Variants in SPATA9 observed in about 807,000 individuals in gnomAD.
The protein encoded by SPATA9 is spermatogenesis associated 9.
SPATA9 carries 27 observed loss-of-function variants against 25.5 expected under a neutral mutation model. The observed-to-expected ratio is 1.06, with a 90% CI of 0.78 to 1.46. SPATA9 has a LOEUF of 1.46. Ranked by LOEUF, SPATA9 falls within the 40% of genes most tolerant of loss-of-function variation. The pLI is 0.00. For missense variants in SPATA9, 282 were observed against 297.5 expected, an observed-to-expected ratio of 0.95 and a Z score of 0.38; for synonymous variants, 102 against 105.7, an observed-to-expected ratio of 0.97 and a Z score of 0.21.
chr5:95,724,690 G>T, the SPATA9 span, among the ~76,000 whole-genome samples: 1 of 152,002 alleles, frequency 6.6e-6, no homozygotes, highest in Non-Finnish European at 1.5e-5. Context: ...GGTTTCGAAC[G>T]CCTGACCACA....
At chr5:95,724,721 C>T in the SPATA9 span, among the ~76,000 whole-genome samples, 1 of 152,150 alleles carries the variant, frequency 6.6e-6, no homozygotes, top group Non-Finnish European at 1.5e-5. Flanking sequence ...AAGTTTCTTG[C>T]CTCTTTTTTC....
At chr5:95,721,153 C>A in the SPATA9 span, among the ~76,000 whole-genome samples, 1 of 152,344 alleles carries the variant, frequency 6.6e-6, no homozygotes, top group South Asian at 2.1e-4. Flanking sequence ...TTGCACTGCA[C>A]TATTTACGTT....
chr5:95,690,628 T>C (rs1753857817), intron 1 of SPATA9, among the ~76,000 whole-genome samples: 1 of 152,170 alleles, frequency 6.6e-6, no homozygotes, highest in African/African-American at 2.4e-5. Flanking sequence ...ATCACTAATA[T>C]GGGACAAACA....
At chr5:95,682,713 C>T (rs1296670214) in intron 1 of SPATA9, 81 bp downstream of exon 1, 17 of 1,505,162 alleles carry the variant, frequency 1.1e-5, no homozygotes, top group Middle Eastern at 1.7e-4. Context: ...CTAGATGACT[C>T]GGAAAGTAAA....
chr5:95,673,349 G>A (rs549162634), intron 3 of SPATA9, among the ~76,000 whole-genome samples: 12 of 150,526 alleles, frequency 8.0e-5, no homozygotes, highest in African/African-American at 2.7e-4. Flanking sequence ...CCATGTGTTC[G>A]TGACCCAAGG....
chr5:95,692,458 T>C (rs916326287), intron 1 of SPATA9, among the ~76,000 whole-genome samples: 7 of 152,122 alleles, frequency 4.6e-5, no homozygotes, highest in East Asian at 3.8e-4. Flanking sequence ...ATTTCAAATA[T>C]GTTGCCACAG....
chr5:95,727,009 T>C, the SPATA9 span, among the ~76,000 whole-genome samples: 29 of 152,194 alleles, frequency 1.9e-4, no homozygotes, highest in Non-Finnish European at 3.7e-4. Context: ...TAGAAGTTTA[T>C]TCTGGAATTT....
At position 95,672,476 on chromosome 5, in the gene SPATA9, TAAAC is replaced by T. The variant is rs149802361; in HGVS notation, c.378+2932_378+2935del. ...AGAGGTTTTTTTTTTTTTTTTTAAA[TAAAC>T]AAAACTCTGAAGTTCTTTTCTTTTC... On this transcript the variant is annotated intron_variant, in intron 3 of 4. Coordinates refer to ENST00000274432, the MANE Select transcript of SPATA9 (RefSeq NM_031952.4). Among the ~76,000 whole-genome samples the T allele has an allele frequency of 1.3e-3, 194 of 150,038 alleles. 4 individuals are homozygous for T. In the East Asian group the frequency reaches 0.034, roughly 27 times the overall value.
At chr5:95,722,948 T>C in the SPATA9 span, among the ~76,000 whole-genome samples, 1 of 152,250 alleles carries the variant, frequency 6.6e-6, no homozygotes, top group East Asian at 1.9e-4. Context: ...ATATTTTAAC[T>C]GTAAAACCAA....
the SPATA9 span, among the ~76,000 whole-genome samples, chr5:95,713,180 G>A: frequency 3.3e-5 from 5 of 152,070 alleles, no homozygotes; most frequent in African/African-American, 1.2e-4. Flanking sequence ...TTTTAGACTG[G>A]TTTGTAACAG....
At chr5:95,656,124 C>T, downstream of SPATA9, 1 of 1,613,670 alleles carries the variant, frequency 6.2e-7, no homozygotes, top group Non-Finnish European at 8.5e-7. Flanking sequence ...AGGTCTGTAC[C>T]AGTCTATAAA....
At chr5:95,658,990 T>A in intron 4 of SPATA9, 77 bp from the exon 5 acceptor site, 1 of 1,499,958 alleles carries the variant, frequency 6.7e-7, no homozygotes, top group Non-Finnish European at 8.9e-7. Flanking sequence ...TACAATATAG[T>A]GTTCCACATA....
intron 4 of SPATA9, among the ~76,000 whole-genome samples, chr5:95,662,509 C>T (rs1217797547): frequency 1.3e-5 from 2 of 152,138 alleles, no homozygotes; most frequent in Non-Finnish European, 2.9e-5. Context: ...GCTTCAGCCT[C>T]CCCCGTCAGC....
rs33943918 is a variant in SPATA9, at chr5:95,675,819, C to CTTTT, written c.151-184_151-181dup. ...TGAATTCCCTGCCATGTACTTAAAC[C>CTTTT]TTTTTTTTTTTTTTTTTTTTTTATG... On this transcript the variant is annotated intron_variant, in intron 2 of 4. Transcript: ENST00000274432. Among the ~76,000 whole-genome samples the CTTTT allele has an allele frequency of 7.6e-4, 82 of 108,028 alleles. 1 individual carries two copies. The highest frequency in any genetic ancestry group is 2.4e-3 in the Admixed American group (23 of 9,402). 70.9% of individuals were successfully genotyped at this position (108,028 alleles called of 152,430 possible). A position where few individuals can be genotyped will look rare whatever the true frequency, so the allele number is the denominator to read the frequency against.
chr5:95,679,896 TTTTG>T (rs1187841362), intron 2 of SPATA9, among the ~76,000 whole-genome samples: 4 of 152,158 alleles, frequency 2.6e-5, no homozygotes, highest in Admixed American at 6.5e-5. Context: ...TCAGTTAACT[TTTTG>T]TTTGTTTGTT....
At chr5:95,682,736 G>T in intron 1 of SPATA9, 58 bp downstream of exon 1, 1 of 1,503,758 alleles carries the variant, frequency 6.7e-7, no homozygotes, top group Non-Finnish European at 9.0e-7. Context: ...AACTCTAGGG[G>T]ATCTTATTCC....
upstream of SPATA9, among the ~76,000 whole-genome samples, chr5:95,685,067 G>A (rs1249075725): frequency 6.6e-6 from 1 of 152,196 alleles, no homozygotes; most frequent in Admixed American, 6.5e-5. Flanking sequence ...ACCTGGGTTT[G>A]AGTTTCAATT....
upstream of SPATA9, among the ~76,000 whole-genome samples, chr5:95,687,874 C>T (rs1753786690): frequency 6.6e-6 from 1 of 152,112 alleles, no homozygotes; most frequent in Non-Finnish European, 1.5e-5. Context: ...ATTCCCAATA[C>T]CTAGACAGTG....
chr5:95,654,272 C>G (rs1326011214), downstream of SPATA9: 1 of 1,608,158 alleles, frequency 6.2e-7, no homozygotes, highest in Non-Finnish European at 8.5e-7. Flanking sequence ...AACTTTAAAC[C>G]ATGAAACTAT....
Sources: gnomAD v4.1 joint callset for allele counts (sites outside exome capture counted in the v4.1 genomes callset) on GRCh38, gnomAD v4.1.1 for gene constraint, MANE v1.5 for transcripts, NCBI Gene and HGNC (gene_info 2026-07-23, HGNC 2026-07-21) for gene names.